Variants in B9D1 observed in about 807,000 individuals in gnomAD.
B9D1 encodes the protein B9 domain containing 1, also known as B9 domain-containing protein 1.
Under a neutral mutation model 26.1 loss-of-function variants are expected in B9D1, and 20 were observed. The observed-to-expected ratio is 0.77, with a 90% CI of 0.54 to 1.12. B9D1 has a LOEUF of 1.12. Ranked by LOEUF, B9D1 falls within the 50% of genes most tolerant of loss-of-function variation. B9D1 has a pLI of 0.00. For synonymous variants in B9D1, 105 were observed against 103.1 expected (o/e 1.02, Z -0.11); for missense variants, 260 against 273.7 (o/e 0.95, Z 0.35).
At chr17:19,342,028 G>C (rs1426944959), downstream of B9D1, among the ~76,000 whole-genome samples, 1 of 152,140 alleles carries the variant, frequency 6.6e-6, no homozygotes, top group African/African-American at 2.4e-5. Context: ...AGTAACAAGA[G>C]ATATGCCTGC....
downstream of B9D1, chr17:19,335,628 T>C: frequency 4.2e-6 from 2 of 477,214 alleles, no homozygotes. Flanking sequence ...GGTGGGGGGC[T>C]AAGGGACCAG....
At chr17:19,343,747 A>G in intron 6 of B9D1, 43 bp downstream of exon 6, 1 of 1,613,214 alleles carries the variant, frequency 6.2e-7, no homozygotes, top group South Asian at 1.1e-5. Context: ...CCAGGCTGTA[A>G]CCTGTATGGG....
At position 19,362,661 on chromosome 17, in the gene B9D1, G is replaced by C. The variant is rs767715187; in HGVS notation, c.-92C>G. The C allele has an allele frequency of 1.5e-5, 23 of 1,549,412 alleles. No individual in the cohort carries two copies. The highest frequency in any genetic ancestry group is 1.7e-5 in the Non-Finnish European group (20 of 1,146,944). On this transcript the variant is annotated 5_prime_UTR_variant, in exon 1 of 7. Coordinates refer to ENST00000261499, the MANE Select transcript of B9D1 (RefSeq NM_015681.6). The stretch of plus-strand genomic sequence containing the variant: ...GCCCTAGAAACAGACGGCGTAGCGC[G>C]CAGGACACGTTTCTTGGCAGCGACA...
rs572922486 is a variant in B9D1 at position 19,370,270 on chromosome 17, A to G, written c.-298+7589T>C. On this transcript the variant is annotated intron_variant, in intron 1 of 5. Transcript: ENST00000477478. The surrounding 1 kb of genome is among the most constrained non-coding windows in gnomAD (Gnocchi z 5.1). The stretch of plus-strand genomic sequence containing the variant: ...TGGCTACTGTGCAGAGTGGCTTCTC[A>G]GGGTGCACACGGGGGAGATGTCGTA... 1.2e-3 allele frequency among the ~76,000 whole-genome samples: 184 copies of G among 152,344 alleles called. No individual in the cohort carries two copies. Among genetic ancestry groups the G allele is most frequent in the African/African-American group, 4.2e-3 (174 of 41,586 alleles).
chr17:19,346,974 G>A (rs1389517826), intron 5 of B9D1: 3 of 1,517,538 alleles, frequency 2.0e-6, no homozygotes, highest in Non-Finnish European at 2.6e-6. Context: ...ACCTTTTAAT[G>A]TCACATTATG....
Position 19,354,691 on chromosome 17 carries a change from G to A in B9D1, c.244+3149C>T, listed in dbSNP as rs765823188. On this transcript the variant is annotated intron_variant, in intron 3 of 6. Coordinates refer to ENST00000261499, the MANE Select transcript of B9D1 (RefSeq NM_015681.6). ...AAAAATACAAAAATTAGCCAGGCATGGTGGCAGGCACCTGTAATCCCCAGC... is the reference window on the plus strand; with the variant it reads ...AAAAATACAAAAATTAGCCAGGCATAGTGGCAGGCACCTGTAATCCCCAGC... Among the ~76,000 whole-genome samples, 61 of 152,070 alleles carry A rather than the reference G, an allele frequency of 4.0e-4. 1 individual carries two copies. Among genetic ancestry groups the A allele is most frequent in the Non-Finnish European group, 8.8e-5 (6 of 68,018 alleles).
At chr17:19,357,054 T>C (rs1000587610) in intron 3 of B9D1, among the ~76,000 whole-genome samples, 1 of 152,250 alleles carries the variant, frequency 6.6e-6, no homozygotes. Flanking sequence ...AAGGCCTAGA[T>C]TGTGAAATCA....
rs139682891 is a variant in B9D1 at position 19,347,313 on chromosome 17, G to A, written c.360C>T (p.Pro120=). 4.7e-5 allele frequency: 76 copies of A among 1,614,226 alleles called. No individual in the cohort carries two copies. The African/African-American group carries it at 8.5e-4, about 18-fold the overall frequency. The stretch of plus-strand genomic sequence containing the variant: ...TAGACGTAGATTCTGGGACAAACAT[G>A]GGGATGGTCCTTTTGTGCCTGAAAC... ...FSPGRHKRTI[P]MFVPESTSKL... Residue 120 remains proline (P), a synonymous_variant, in exon 5 of 7, where the codon CCC becomes CCT. Coordinates refer to ENST00000261499, the MANE Select transcript of B9D1 (RefSeq NM_015681.6). The surrounding 1 kb of genome is among the most constrained non-coding windows in gnomAD (Gnocchi z 4.3).
chr17:19,377,539 CA>C (rs1912199278), intron 1 of B9D1, among the ~76,000 whole-genome samples: 1 of 152,174 alleles, frequency 6.6e-6, no homozygotes, highest in African/African-American at 2.4e-5. Flanking sequence ...GGAGTGAAAC[CA>C]AAATTCTTCA....
upstream of B9D1, among the ~76,000 whole-genome samples, chr17:19,365,176 A>T (rs1254547804): frequency 6.6e-6 from 1 of 152,256 alleles, no homozygotes; most frequent in Admixed American, 6.5e-5. The surrounding 1 kb of genome is among the most constrained non-coding windows in gnomAD (Gnocchi z 5.0). Flanking sequence ...GCCCCTTGCC[A>T]GTTGTGCCAG....
At chr17:19,377,869 G>A (rs1165244412) in exon 1 of B9D1, 5 of 985,330 alleles carry the variant, frequency 5.1e-6, no homozygotes, top group Admixed American at 6.1e-5. Context: ...CTAGAAGCCA[G>A]GAAACCGCGA....
downstream of B9D1, among the ~76,000 whole-genome samples, chr17:19,342,293 G>T (rs1287045327): frequency 2.6e-5 from 4 of 152,186 alleles, no homozygotes; most frequent in Admixed American, 2.0e-4. Flanking sequence ...CAGTGAGTTG[G>T]GGGGAGGGCA....
At chr17:19,339,573 T>C (rs945806304), downstream of B9D1, among the ~76,000 whole-genome samples, 2 of 152,218 alleles carry the variant, frequency 1.3e-5, no homozygotes, top group Admixed American at 6.5e-5. Flanking sequence ...TGCAATAGAA[T>C]AGGCTATGCA....
chr17:19,335,472 TG>T, downstream of B9D1: 1 of 1,549,464 alleles, frequency 6.5e-7, no homozygotes, highest in Non-Finnish European at 8.7e-7. Flanking sequence ...TCTTTAACCT[TG>T]TGTGTCTGTG....
chr17:19,337,667 C>G, downstream of B9D1: 2 of 1,514,522 alleles, frequency 1.3e-6, no homozygotes, highest in East Asian at 4.9e-5. Flanking sequence ...GCGGAAGTTT[C>G]TCACAGAAGT....
chr17:19,348,769 A>G (rs536006291), intron 3 of B9D1, among the ~76,000 whole-genome samples: 2 of 152,374 alleles, frequency 1.3e-5, no homozygotes, highest in Middle Eastern at 3.4e-3. Context: ...AAAAGGAATT[A>G]TACAGTACAT....
intron 3 of B9D1, among the ~76,000 whole-genome samples, chr17:19,352,091 G>T (rs1909682428): frequency 6.6e-6 from 1 of 151,978 alleles, no homozygotes; most frequent in Non-Finnish European, 1.5e-5. Context: ...TCACCATGTT[G>T]CCCAGGTTAG....
At chr17:19,351,850 G>A (rs1431933002) in intron 3 of B9D1, among the ~76,000 whole-genome samples, 1 of 152,022 alleles carries the variant, frequency 6.6e-6, no homozygotes, top group Non-Finnish European at 1.5e-5. Flanking sequence ...TCTGTAACAT[G>A]TTCCTTTTTC....
At chr17:19,362,845 G>A (rs1453963319), upstream of B9D1, 2 of 807,666 alleles carry the variant, frequency 2.5e-6, no homozygotes, top group Admixed American at 2.4e-5. Context: ...GCGTTGACCT[G>A]TCGGGTAAAG....
Sources: gnomAD v4.1 joint callset for allele counts (sites outside exome capture counted in the v4.1 genomes callset) on GRCh38, gnomAD v4.1.1 for gene constraint, Gnocchi (gnomAD v3.1) non-coding constraint, MANE v1.5 for transcripts, NCBI Gene and HGNC (gene_info 2026-07-23, HGNC 2026-07-21) for gene names.